MICU1: variants seen among roughly 807,000 people sequenced by gnomAD.
MICU1 encodes calcium uptake protein 1, mitochondrial.
A neutral mutation model predicts 56.8 loss-of-function variants in MICU1; 45 were observed. That is an observed-to-expected ratio of 0.79 (90% CI 0.62 to 1.02). MICU1 has a LOEUF of 1.02. MICU1 is among the 50% of genes least tolerant of loss of function. MICU1 has a pLI of 0.00. For synonymous variants in MICU1, 186 were observed against 195.1 expected (o/e 0.95, Z 0.39); for missense variants, 504 against 587.1 (o/e 0.86, Z 1.46).
intron 4 of MICU1, among the ~76,000 whole-genome samples, chr10:72,544,287 G>A (rs1446411953): frequency 6.6e-6 from 1 of 152,156 alleles, no homozygotes; most frequent in East Asian, 1.9e-4. Flanking sequence ...CGTGAGTCTT[G>A]CCGAAGCTCC....
rs1264231748 is a variant in MICU1 at position 72,592,783 on chromosome 10, CT to C, written c.-1-25990del. 4.7e-3 allele frequency among the ~76,000 whole-genome samples: 642 copies of C among 137,594 alleles called. 2 individuals carry two copies. The highest frequency in any genetic ancestry group is 9.7e-3 in the African/African-American group (368 of 37,820). 90.3% of individuals were successfully genotyped at this position (137,594 alleles called of 152,430 possible). ...CCCAAAATTCCACACACTTTTCTTT[CT>C]TTTTTTTTTTTTTTTGAGATGGAGT... On this transcript the variant is annotated intron_variant, in intron 1 of 11. Coordinates refer to ENST00000361114, the MANE Select transcript of MICU1 (RefSeq NM_001195518.2).
At chr10:72,444,397 T>A (rs1246521046) in intron 8 of MICU1, among the ~76,000 whole-genome samples, 2 of 150,752 alleles carry the variant, frequency 1.3e-5, no homozygotes, top group African/African-American at 4.9e-5. Context: ...AAAAAGAAAA[T>A]AGTTTTCTCT....
At chr10:72,473,975 G>GCCGGGT (rs1866027032) in intron 8 of MICU1, among the ~76,000 whole-genome samples, 1 of 152,026 alleles carries the variant, frequency 6.6e-6, no homozygotes, top group East Asian at 1.9e-4. Context: ...GAAAAAGAGA[G>GCCGGGT]GCCGGGTGCG....
intron 8 of MICU1, among the ~76,000 whole-genome samples, chr10:72,458,040 G>A (rs904589577): frequency 6.6e-6 from 1 of 151,916 alleles, no homozygotes; most frequent in African/African-American, 2.4e-5. Flanking sequence ...GGTGGCACGT[G>A]CCTGTAATCC....
intron 10 of MICU1, among the ~76,000 whole-genome samples, chr10:72,396,226 A>C (rs895543475): frequency 6.6e-6 from 1 of 152,240 alleles, no homozygotes; most frequent in African/African-American, 2.4e-5. Context: ...ACAAACAGAA[A>C]GGAATAGCAT....
chr10:72,564,544 G>GAAAAAAAAAAAA lies in MICU1; in HGVS notation c.162-1493_162-1482dup, dbSNP rs11465166. Among the ~76,000 whole-genome samples, 62 of 106,694 alleles carry GAAAAAAAAAAAA rather than the reference G, an allele frequency of 5.8e-4. 1 individual carries two copies. The highest frequency in any genetic ancestry group is 8.1e-4 in the African/African-American group (23 of 28,284). 70.0% of individuals were successfully genotyped at this position (106,694 alleles called of 152,430 possible). A position where few individuals can be genotyped will look rare whatever the true frequency, so the allele number is the denominator to read the frequency against. On this transcript the variant is annotated intron_variant, in intron 2 of 11. Transcript: ENST00000361114. ...ACAGAGTGAGACTCCATCTCAAAAA[G>GAAAAAAAAAAAA]AAAAAAAAAAAAAAAAAAAGAAAAG...
intron 5 of MICU1, chr10:72,533,138 A>G (rs772522851): frequency 1.3e-5 from 17 of 1,289,926 alleles, no homozygotes; most frequent in African/African-American, 1.5e-5. Flanking sequence ...ACCCTGTGTA[A>G]TATTTTCTTT....
At chr10:72,447,754 G>A (rs1044015728) in intron 8 of MICU1, among the ~76,000 whole-genome samples, 1 of 152,102 alleles carries the variant, frequency 6.6e-6, no homozygotes, top group Non-Finnish European at 1.5e-5. Context: ...GAAAAGTCTT[G>A]CTATGCTCCA....
rs572931471 is a variant in MICU1 at position 72,473,990 on chromosome 10, C to T, written c.933+1110G>A. Among the ~76,000 whole-genome samples the T allele has an allele frequency of 1.3e-4, 20 of 152,102 alleles. No individual in the cohort carries two copies. In the East Asian group the frequency reaches 3.9e-3, roughly 29 times the overall value. ...GAAAAAGAGAGGCCGGGTGCGGTGG[C>T]TCACACCTATAATCCCAGCACTATG... is the stretch of plus-strand genomic sequence containing the variant. On this transcript the variant is annotated intron_variant, in intron 8 of 11. Transcript: ENST00000361114.
chr10:72,426,008 C>T (rs1242000744), intron 8 of MICU1, among the ~76,000 whole-genome samples: 1 of 151,992 alleles, frequency 6.6e-6, no homozygotes, highest in Non-Finnish European at 1.5e-5. Context: ...TGAAATGCAT[C>T]AAAATCCAAA....
At chr10:72,436,249 A>G (rs577446603) in intron 8 of MICU1, among the ~76,000 whole-genome samples, 22 of 152,312 alleles carry the variant, frequency 1.4e-4, no homozygotes, top group African/African-American at 4.3e-4. Context: ...TGCAGCCTCC[A>G]CTGGTGATAC....
chr10:72,471,088 C>T (rs1034009388), intron 8 of MICU1, among the ~76,000 whole-genome samples: 7 of 152,010 alleles, frequency 4.6e-5, no homozygotes, highest in African/African-American at 1.7e-4. Flanking sequence ...GCATGCTACA[C>T]AATATGTTTT....
chr10:72,409,677 C>T (rs1863742714), intron 9 of MICU1, among the ~76,000 whole-genome samples: 1 of 152,100 alleles, frequency 6.6e-6, no homozygotes. Context: ...GGTGACAGGG[C>T]TAGACGCTGT....
intron 9 of MICU1, among the ~76,000 whole-genome samples, chr10:72,417,511 C>T (rs1014986323): frequency 1.3e-5 from 2 of 151,292 alleles, no homozygotes; most frequent in African/African-American, 4.9e-5. Context: ...GTCTTTTTCA[C>T]AGCACCTGGC....
intron 10 of MICU1, among the ~76,000 whole-genome samples, chr10:72,402,017 T>C (rs1342743027): frequency 6.6e-6 from 1 of 152,132 alleles, no homozygotes; most frequent in Non-Finnish European, 1.5e-5. Context: ...ATAAGCAAGA[T>C]TGTTCTATAT....
chr10:72,480,484 G>A (rs1434643919), intron 6 of MICU1, among the ~76,000 whole-genome samples: 3 of 152,228 alleles, frequency 2.0e-5, no homozygotes, highest in Non-Finnish European at 4.4e-5. Flanking sequence ...CAAAGAACCT[G>A]AAAGGAAGTT....
At chr10:72,561,844 A>C (rs924987940) in intron 3 of MICU1, among the ~76,000 whole-genome samples, 1 of 152,202 alleles carries the variant, frequency 6.6e-6, no homozygotes, top group African/African-American at 2.4e-5. Context: ...CTAACATATG[A>C]AACCAGACAG....
intron 8 of MICU1, among the ~76,000 whole-genome samples, chr10:72,453,751 C>T (rs1865367996): frequency 1.3e-5 from 2 of 151,542 alleles, no homozygotes; most frequent in South Asian, 4.2e-4. Context: ...GACTGGTCTC[C>T]AACTCTCAAC....
intron 6 of MICU1, among the ~76,000 whole-genome samples, chr10:72,503,865 G>GACACACAC (rs59119352): frequency 2.1e-4 from 31 of 146,302 alleles, no homozygotes; most frequent in African/African-American, 7.5e-4. Context: ...ATTTACAATA[G>GACACACAC]ACACACACAC....
Sources: allele counts gnomAD v4.1 joint callset (sites outside exome capture counted in the v4.1 genomes callset), GRCh38; gene constraint gnomAD v4.1.1; transcripts MANE v1.5; gene names NCBI Gene and HGNC (gene_info 2026-07-23, HGNC 2026-07-21).